CHCHD3: variants seen among roughly 807,000 people sequenced by gnomAD.
CHCHD3 encodes the protein MICOS complex subunit MIC19.
CHCHD3 carries 20 observed loss-of-function variants against 38.2 expected under a neutral mutation model. The ratio of observed to expected loss-of-function variants is 0.52; its 90% CI spans 0.37 to 0.76. The LOEUF is 0.76. Ranked by LOEUF, CHCHD3 falls within the 30% of genes least tolerant of loss-of-function variation. The pLI, the probability that CHCHD3 is intolerant of heterozygous loss-of-function variation, is 0.00. For synonymous variants in CHCHD3, 82 were observed against 100.0 expected (o/e 0.82, Z 1.07); for missense variants, 245 against 279.2 (o/e 0.88, Z 0.87).
At chr7:132,928,712 AAAAT>A (rs1435749374) in intron 4 of CHCHD3, among the ~76,000 whole-genome samples, 1 of 152,162 alleles carries the variant, frequency 6.6e-6, no homozygotes, top group African/African-American at 2.4e-5. Context: ...AAAATAAAAT[AAAAT>A]AAATAGACTC....
chr7:132,860,316 A>AGAGAGAGAGAG (rs1554377218), intron 5 of CHCHD3, among the ~76,000 whole-genome samples: 1 of 134,620 alleles, frequency 7.4e-6, no homozygotes, highest in Non-Finnish European at 1.7e-5. Flanking sequence ...GAGAGAGAGA[A>AGAGAGAGAGAG]AGAGAGAGAG....
At position 132,885,708 on chromosome 7, in the gene CHCHD3, T is replaced by G. The variant is rs1349889926; in HGVS notation, c.407A>C (p.Lys136Thr). ...QLEEKDRVLK[K>T]QDAFYKEQLA... is the part of the protein sequence containing the mutation. Reference sequence around the variant, plus strand: ...CTGTTCTTTGTAGAATGCATCCTGCTTCTTTAGCACTCGGTCTTTCTCTTC... The same window carrying G: ...CTGTTCTTTGTAGAATGCATCCTGCGTCTTTAGCACTCGGTCTTTCTCTTC... The change falls in exon 5 of 8, where the codon AAG becomes ACG. Residue 136 changes from lysine (K) to threonine (T), a missense_variant. Physicochemically the swap from Lys to Thr is moderately conservative, Grantham distance 78. Transcript: ENST00000262570. 6.2e-7 allele frequency: 1 copy of G among 1,609,304 alleles called. No individual in the cohort carries two copies. The highest frequency in any genetic ancestry group is 1.3e-5 in the African/African-American group (1 of 74,614).
chr7:132,808,189 T>A (rs1401911961), intron 6 of CHCHD3, among the ~76,000 whole-genome samples: 1 of 152,152 alleles, frequency 6.6e-6, no homozygotes, highest in African/African-American at 2.4e-5. Flanking sequence ...AACCAACACA[T>A]TATTGAAGTC....
intron 4 of CHCHD3, among the ~76,000 whole-genome samples, chr7:132,931,520 C>T (rs1239640782): frequency 6.6e-6 from 1 of 152,134 alleles, no homozygotes; most frequent in East Asian, 1.9e-4. Flanking sequence ...TATACTAGAA[C>T]ATAAAGCGCT....
intron 4 of CHCHD3, among the ~76,000 whole-genome samples, chr7:132,932,322 T>G (rs1283914721): frequency 6.6e-6 from 1 of 151,612 alleles, no homozygotes; most frequent in Non-Finnish European, 1.5e-5. Flanking sequence ...GAGAGAGAGG[T>G]GAAAAGAGCC....
chr7:133,047,745 G>C (rs181733677), intron 2 of CHCHD3, among the ~76,000 whole-genome samples: 1 of 152,282 alleles, frequency 6.6e-6, no homozygotes, highest in East Asian at 1.9e-4. Context: ...GAGAGATACA[G>C]ATAATCCCAA....
intron 4 of CHCHD3, among the ~76,000 whole-genome samples, chr7:132,965,544 A>AGAATC (rs1032061247): frequency 1.3e-5 from 2 of 152,182 alleles, no homozygotes; most frequent in African/African-American, 4.8e-5. Context: ...GACACTAACT[A>AGAATC]GAATCACTTT....
intron 5 of CHCHD3, among the ~76,000 whole-genome samples, chr7:132,842,678 C>T (rs1328672994): frequency 6.6e-6 from 1 of 152,148 alleles, no homozygotes. Flanking sequence ...TGTAGAGTGA[C>T]TCGTGATTTG....
intron 2 of CHCHD3, among the ~76,000 whole-genome samples, chr7:133,047,849 A>T (rs1353277972): frequency 6.6e-6 from 1 of 152,090 alleles, no homozygotes; most frequent in African/African-American, 2.4e-5. Context: ...GCACTTTGGG[A>T]GGCGGAGGTG....
intron 5 of CHCHD3, among the ~76,000 whole-genome samples, chr7:132,875,786 C>T (rs1249464988): frequency 1.3e-5 from 2 of 152,162 alleles, no homozygotes; most frequent in Non-Finnish European, 2.9e-5. Flanking sequence ...ATAAGAATGA[C>T]CAAAGTTAAA....
At chr7:133,010,454 T>C (rs1812834728) in intron 3 of CHCHD3, among the ~76,000 whole-genome samples, 1 of 152,244 alleles carries the variant, frequency 6.6e-6, no homozygotes, top group Non-Finnish European at 1.5e-5. Flanking sequence ...CTGTCTCTTT[T>C]GACTTTTGGA....
chr7:132,785,653 A>G lies in CHCHD3; in HGVS notation c.668T>C (p.Leu223Pro). Residue 223 changes from leucine to proline, a missense_variant, in exon 8 of 8, where the codon CTT (leucine) becomes CCT (proline). Transcript: ENST00000262570. Reference protein sequence around the residue: ...HCVNHAKQSMLEKGG With the variant: ...HCVNHAKQSMPEKGG Reference sequence around the variant, plus strand: ...TGAAAGTTTTTATCCTCCCTTCTCAAGCATGCTCTGCAAGAAAAACAGAAA... The same window carrying G: ...TGAAAGTTTTTATCCTCCCTTCTCAGGCATGCTCTGCAAGAAAAACAGAAA... The G allele has an allele frequency of 6.2e-7, 1 of 1,614,152 alleles. No homozygotes were observed. Among genetic ancestry groups the G allele is most frequent in the East Asian group, 2.2e-5 (1 of 44,860 alleles).
intron 6 of CHCHD3, among the ~76,000 whole-genome samples, chr7:132,802,514 G>C (rs1806818332): frequency 6.6e-6 from 1 of 152,138 alleles, no homozygotes; most frequent in Non-Finnish European, 1.5e-5. Flanking sequence ...GGTCTCCAAA[G>C]AATGAGGGTC....
intron 3 of CHCHD3, among the ~76,000 whole-genome samples, chr7:133,012,188 T>C (rs1374372626): frequency 1.3e-5 from 2 of 152,180 alleles, no homozygotes; most frequent in Non-Finnish European, 2.9e-5. Flanking sequence ...GAAACCCACT[T>C]GGGCTCCTTT....
intron 5 of CHCHD3, among the ~76,000 whole-genome samples, chr7:132,874,499 C>T (rs751651749): frequency 5.9e-5 from 9 of 152,114 alleles, no homozygotes; most frequent in Admixed American, 1.3e-4. Context: ...GCAACACTTG[C>T]GGGAAGATTT....
chr7:132,879,931 C>T lies in CHCHD3; in HGVS notation c.453+5731G>A, dbSNP rs1368376997. On this transcript the variant is annotated intron_variant, in intron 5 of 7. Coordinates refer to ENST00000262570, the MANE Select transcript of CHCHD3 (RefSeq NM_017812.4). ...TAAAATAACTCTTAGGGGTATCATG[C>T]TGTAATCGCTAGGTAATAAGACCTT... 3.3e-4 allele frequency among the ~76,000 whole-genome samples: 50 copies of T among 152,002 alleles called. 1 individual carries two copies. The highest frequency in any genetic ancestry group is 3.3e-3 in the Admixed American group (50 of 15,252).
At chr7:133,052,139 C>T (rs188273639) in intron 2 of CHCHD3, 1 of 152,320 alleles carries the variant, frequency 6.6e-6, no homozygotes, top group Admixed American at 6.5e-5. Context: ...TAAAGAGCCC[C>T]ATGGTGACTC....
intron 4 of CHCHD3, among the ~76,000 whole-genome samples, chr7:132,885,994 A>G (rs1809198717): frequency 1.3e-5 from 2 of 152,178 alleles, no homozygotes; most frequent in South Asian, 4.1e-4. Flanking sequence ...AGGAAACGTC[A>G]GAATACAGCA....
chr7:133,051,434 A>C (rs928523779), intron 2 of CHCHD3, among the ~76,000 whole-genome samples: 2 of 152,026 alleles, frequency 1.3e-5, no homozygotes, highest in African/African-American at 4.8e-5. Context: ...TTTTTCCCTA[A>C]TTCTCTGGGG....
Sources: gnomAD v4.1 joint callset for allele counts (sites outside exome capture counted in the v4.1 genomes callset) on GRCh38, gnomAD v4.1.1 for gene constraint, MANE v1.5 for transcripts, NCBI Gene and HGNC (gene_info 2026-07-23, HGNC 2026-07-21) for gene names.